The following RUNX2 variants were observed in gnomAD, a reference collection of about 807,000 sequenced individuals.
RUNX2 encodes RUNX family transcription factor 2.
Under a neutral mutation model 51.7 loss-of-function variants are expected in RUNX2, and 10 were observed. The ratio of observed to expected loss-of-function variants is 0.19; its 90% CI spans 0.12 to 0.33. RUNX2 has a LOEUF of 0.33. Among genes scored for constraint, RUNX2 ranks in the 10% least tolerant of loss-of-function variants. The probability of loss-of-function intolerance (pLI) is 1.00; values close to 1 mark genes in which losing one functional copy is unlikely to be tolerated. For synonymous variants in RUNX2, 276 were observed against 273.6 expected (o/e 1.01, Z -0.09); for missense variants, 562 against 691.3 (o/e 0.81, Z 2.10).
Position 45,437,941 on chromosome 6 carries a change from C to A in RUNX2, c.581-6C>A, listed in dbSNP as rs778040149. On this transcript the variant is annotated splice_region_variant and splice_polypyrimidine_tract_variant and intron_variant, in intron 4 of 8. Coordinates refer to ENST00000647337, the MANE Select transcript of RUNX2 (RefSeq NM_001024630.4). The stretch of plus-strand genomic sequence containing the variant: ...CACTGTATATTTTCCCCTTTTATAT[C>A]TGCAGGCAAGAGTTTCACCTTGACC... 1.1e-5 allele frequency: 17 copies of A among 1,599,562 alleles called. No homozygotes were observed. Among genetic ancestry groups the A allele is most frequent in the African/African-American group, 1.3e-5 (1 of 74,676 alleles).
At chr6:45,484,905 C>A (rs1043929014) in intron 5 of RUNX2, among the ~76,000 whole-genome samples, 2 of 152,188 alleles carry the variant, frequency 1.3e-5, no homozygotes, top group Non-Finnish European at 2.9e-5. Context: ...AACCAATTTT[C>A]TCTGAGAAAT....
chr6:45,466,521 A>G (rs1461236845), intron 5 of RUNX2, among the ~76,000 whole-genome samples: 1 of 152,144 alleles, frequency 6.6e-6, no homozygotes, highest in Non-Finnish European at 1.5e-5. Flanking sequence ...GCCAGGCTAC[A>G]ATACAGCTCC....
At position 45,402,481 on chromosome 6, in the gene RUNX2, T is replaced by C. The variant is rs575697168; in HGVS notation, c.59-20112T>C. On this transcript the variant is annotated intron_variant, in intron 2 of 8. Transcript: ENST00000647337. ...AATTTTATTTATCTCTCAACAAATA[T>C]TTTAGGAATTTTTATAGAGCTTCCT... is the stretch of plus-strand genomic sequence containing the variant. 3.3e-5 allele frequency among the ~76,000 whole-genome samples: 5 copies of C among 152,312 alleles called. No individual in the cohort carries two copies. The South Asian group carries it at 1.0e-3, about 32-fold the overall frequency.
intron 2 of RUNX2, among the ~76,000 whole-genome samples, chr6:45,366,242 A>C (rs1388668254): frequency 6.6e-6 from 1 of 152,228 alleles, no homozygotes; most frequent in East Asian, 1.9e-4. Context: ...AGCAGTGCAG[A>C]GGACTTTCAG....
intron 2 of RUNX2, among the ~76,000 whole-genome samples, chr6:45,358,549 A>G (rs1793656825): frequency 1.3e-5 from 2 of 152,104 alleles, no homozygotes; most frequent in East Asian, 1.9e-4. Context: ...GTTGATGATG[A>G]TATTTATTTT....
intron 3 of RUNX2, 21 bp downstream of exon 3, chr6:45,422,978 C>T: frequency 1.9e-6 from 3 of 1,604,304 alleles, no homozygotes; most frequent in Admixed American, 3.3e-5. Flanking sequence ...ACACCGCCCC[C>T]CGCCCCCGGC....
At chr6:45,447,278 A>G (rs894077815) in intron 5 of RUNX2, among the ~76,000 whole-genome samples, 8 of 152,212 alleles carry the variant, frequency 5.3e-5, no homozygotes, top group African/African-American at 1.7e-4. Flanking sequence ...CTGCAGGTCA[A>G]CTGTAGCAAT....
intron 6 of RUNX2, among the ~76,000 whole-genome samples, chr6:45,492,404 C>T (rs1231965062): frequency 6.6e-6 from 1 of 152,116 alleles, no homozygotes; most frequent in Non-Finnish European, 1.5e-5. Flanking sequence ...GTTTATTATA[C>T]GTTTCTATAT....
intron 2 of RUNX2, among the ~76,000 whole-genome samples, chr6:45,337,077 A>C (rs895039109): frequency 1.3e-5 from 2 of 151,718 alleles, no homozygotes; most frequent in Non-Finnish European, 3.0e-5. Flanking sequence ...TATAGTGAGA[A>C]GCCAACCCCG....
chr6:45,379,753 C>G (rs1013296044), intron 2 of RUNX2, among the ~76,000 whole-genome samples: 1 of 152,094 alleles, frequency 6.6e-6, no homozygotes, highest in Non-Finnish European at 1.5e-5. Context: ...GTAGTCCCAG[C>G]TACTCGGGAG....
intron 4 of RUNX2, among the ~76,000 whole-genome samples, chr6:45,432,486 G>A (rs1021554786): frequency 6.6e-6 from 1 of 152,150 alleles, no homozygotes. Context: ...TACTCTCATA[G>A]TAAGAATTTA....
intron 2 of RUNX2, among the ~76,000 whole-genome samples, chr6:45,336,530 C>A (rs577836342): frequency 1.2e-4 from 18 of 151,476 alleles, no homozygotes; most frequent in Admixed American, 4.0e-4. Context: ...TCAAGATACA[C>A]TTAAATATTT....
chr6:45,386,995 G>C (rs1797362141), intron 2 of RUNX2, among the ~76,000 whole-genome samples: 2 of 152,194 alleles, frequency 1.3e-5, no homozygotes, highest in African/African-American at 4.8e-5. Flanking sequence ...ACTGGAAGGA[G>C]CTAACAGTTC....
intron 7 of RUNX2, among the ~76,000 whole-genome samples, chr6:45,537,635 G>A (rs1002007122): frequency 2.6e-5 from 4 of 152,130 alleles, no homozygotes; most frequent in Non-Finnish European, 5.9e-5. Context: ...AACACCATGG[G>A]ATGCTGTGGC....
intron 6 of RUNX2, among the ~76,000 whole-genome samples, chr6:45,499,719 G>A (rs969492126): frequency 1.4e-4 from 22 of 152,108 alleles, no homozygotes; most frequent in African/African-American, 5.3e-4. Context: ...GGGAATATAA[G>A]ATGCATAGTT....
rs527397058 is a variant in RUNX2 at position 45,474,905 on chromosome 6, T to C, written c.686-17036T>C. Among the ~76,000 whole-genome samples, 4 of 152,142 alleles carry C rather than the reference T, an allele frequency of 2.6e-5. No homozygotes were observed. In the South Asian group the frequency reaches 8.3e-4, roughly 32 times the overall value. ...CCATAGGCACTTTAAGAAAGGGCTGTGGGAATTCAGAGATGATGACTGAGT... is the reference window on the plus strand; with the variant it reads ...CCATAGGCACTTTAAGAAAGGGCTGCGGGAATTCAGAGATGATGACTGAGT... On this transcript the variant is annotated intron_variant, in intron 5 of 8. Coordinates refer to ENST00000647337, the MANE Select transcript of RUNX2 (RefSeq NM_001024630.4).
intron 3 of RUNX2, among the ~76,000 whole-genome samples, chr6:45,424,956 C>G (rs751263389): frequency 1.3e-5 from 2 of 152,016 alleles, no homozygotes; most frequent in Non-Finnish European, 2.9e-5. Context: ...CAATATATAT[C>G]TTTTACAATG....
chr6:45,505,285 G>GC (rs1454455894), intron 6 of RUNX2, among the ~76,000 whole-genome samples: 1 of 151,808 alleles, frequency 6.6e-6, no homozygotes, highest in East Asian at 1.9e-4. Context: ...CTGCTCTGCT[G>GC]CCCCCACTCA....
At chr6:45,366,044 A>G (rs1795080297) in intron 2 of RUNX2, among the ~76,000 whole-genome samples, 1 of 152,192 alleles carries the variant, frequency 6.6e-6, no homozygotes, top group African/African-American at 2.4e-5. Flanking sequence ...AGTCAAAGTA[A>G]CATTAAAATA....
Sources: allele counts gnomAD v4.1 joint callset (sites outside exome capture counted in the v4.1 genomes callset), GRCh38; gene constraint gnomAD v4.1.1; transcripts MANE v1.5; gene names NCBI Gene and HGNC (gene_info 2026-07-23, HGNC 2026-07-21).